SGCD: variants seen among roughly 807,000 people sequenced by gnomAD.
The protein encoded by SGCD is sarcoglycan delta, also known as delta-sarcoglycan.
SGCD carries 18 observed loss-of-function variants against 36.6 expected under a neutral mutation model. The observed-to-expected ratio is 0.49, with a 90% CI of 0.34 to 0.73. The LOEUF is 0.73. Ranked by LOEUF, SGCD falls within the 30% of genes least tolerant of loss-of-function variation. The pLI is 0.01. For synonymous variants in SGCD, 133 were observed against 130.6 expected, an observed-to-expected ratio of 1.02 and a Z score of -0.12; for missense variants, 387 against 346.7, an observed-to-expected ratio of 1.12 and a Z score of -0.92.
intron 1 of SGCD, among the ~76,000 whole-genome samples, chr5:155,936,134 G>A (rs893615549): frequency 6.6e-6 from 1 of 152,172 alleles, no homozygotes; most frequent in South Asian, 2.1e-4. Context: ...TGGGCTCCCC[G>A]AAGGACTGCA....
chr5:156,141,459 T>C (rs78223757), intron 3 of SGCD, among the ~76,000 whole-genome samples: 2,532 of 152,356 alleles, frequency 0.017, 40 homozygotes, highest in East Asian at 0.06. Context: ...AAGCCTGGGC[T>C]CAGGGCCTTG....
intron 1 of SGCD, among the ~76,000 whole-genome samples, chr5:155,907,052 G>A (rs1756531431): frequency 6.6e-6 from 1 of 152,108 alleles, no homozygotes; most frequent in Non-Finnish European, 1.5e-5. Context: ...GTTGAAGTCA[G>A]TGCTCATTTG....
At chr5:156,551,941 A>T (rs1758814986) in intron 4 of SGCD, among the ~76,000 whole-genome samples, 1 of 152,204 alleles carries the variant, frequency 6.6e-6, no homozygotes, top group African/African-American at 2.4e-5. Context: ...AACCGACCTG[A>T]AAAAATGGGG....
chr5:156,294,630 C>A (rs929307719), intron 3 of SGCD, among the ~76,000 whole-genome samples: 4 of 151,912 alleles, frequency 2.6e-5, no homozygotes, highest in African/African-American at 9.7e-5. Context: ...TTTCATATGT[C>A]TTTTATGATA....
At chr5:156,730,687 G>A (rs1257385173) in intron 7 of SGCD, among the ~76,000 whole-genome samples, 1 of 152,106 alleles carries the variant, frequency 6.6e-6, no homozygotes, top group Non-Finnish European at 1.5e-5. Flanking sequence ...ATGAACATAT[G>A]CATCCATGTG....
intron 7 of SGCD, among the ~76,000 whole-genome samples, chr5:156,684,755 T>C (rs560914956): frequency 1.2e-4 from 18 of 152,338 alleles, no homozygotes; most frequent in African/African-American, 4.3e-4. Context: ...ACTGAATGAA[T>C]AACACCATTC....
intron 6 of SGCD, among the ~76,000 whole-genome samples, chr5:156,632,701 C>G (rs966799047): frequency 2.2e-4 from 33 of 152,152 alleles, no homozygotes; most frequent in African/African-American, 7.5e-4. Context: ...CCTGCAAAGT[C>G]TCTACCAGGT....
intron 7 of SGCD, among the ~76,000 whole-genome samples, chr5:156,675,221 A>C (rs1251181001): frequency 6.6e-6 from 1 of 152,176 alleles, no homozygotes; most frequent in African/African-American, 2.4e-5. Flanking sequence ...CCAACCTCAG[A>C]ACAAATTTTT....
chr5:155,729,284 A>G, the SGCD span, among the ~76,000 whole-genome samples: 1 of 152,204 alleles, frequency 6.6e-6, no homozygotes, highest in Admixed American at 6.5e-5. Flanking sequence ...GCGTTAAGCT[A>G]GCTCCCAGCA....
intron 1 of SGCD, among the ~76,000 whole-genome samples, chr5:155,893,945 G>A (rs547260801): frequency 1.3e-5 from 2 of 152,176 alleles, no homozygotes; most frequent in Non-Finnish European, 2.9e-5. Context: ...TAACACAATG[G>A]TATTTGTATA....
chr5:156,085,945 T>C lies in SGCD; in HGVS notation c.-281-31933T>C, dbSNP rs1367727846. 5.3e-5 allele frequency among the ~76,000 whole-genome samples: 8 copies of C among 152,372 alleles called. No individual in the cohort carries two copies. In the East Asian group the frequency reaches 1.5e-3, roughly 29 times the overall value. ...ATTAAATTATTTGTTTCCATTTGTT[T>C]CCCATGTTTGTCTCTTCTTGTTTTC... is the stretch of plus-strand genomic sequence containing the variant. On this transcript the variant is annotated intron_variant, in intron 1 of 9. Coordinates refer to the SGCD transcript ENST00000517913.
intron 1 of SGCD, among the ~76,000 whole-genome samples, chr5:156,039,724 A>G: frequency 6.6e-6 from 1 of 152,176 alleles, no homozygotes; most frequent in Non-Finnish European, 1.5e-5. Flanking sequence ...TATCCAATGA[A>G]GCTCCTTTTA....
At chr5:156,341,434 G>C (rs1191727478) in intron 2 of SGCD, among the ~76,000 whole-genome samples, 2 of 152,040 alleles carry the variant, frequency 1.3e-5, no homozygotes, top group Non-Finnish European at 2.9e-5. Flanking sequence ...TTTAGATGTT[G>C]TCCCAAATGC....
At chr5:156,506,987 T>C (rs916554985) in intron 3 of SGCD, among the ~76,000 whole-genome samples, 3 of 152,184 alleles carry the variant, frequency 2.0e-5, no homozygotes, top group Admixed American at 2.0e-4. Context: ...AAGACTACAT[T>C]GGCTGATAAC....
At chr5:156,351,819 G>A (rs984823623) in intron 3 of SGCD, among the ~76,000 whole-genome samples, 14 of 151,992 alleles carry the variant, frequency 9.2e-5, no homozygotes, top group African/African-American at 3.1e-4. Flanking sequence ...GTAGAGATTC[G>A]AACCCAAGCA....
rs190715732 is a variant in SGCD at position 156,630,176 on chromosome 5, A to C, written c.503-17288A>C. Among the ~76,000 whole-genome samples, 161 of 152,248 alleles carry C rather than the reference A, an allele frequency of 1.1e-3. 1 individual carries two copies. The highest frequency in any genetic ancestry group is 1.8e-3 in the Non-Finnish European group (124 of 68,020). On this transcript the variant is annotated intron_variant, in intron 6 of 8. Coordinates refer to ENST00000337851, the MANE Select transcript of SGCD (RefSeq NM_000337.6). ...CCACGCCTGGCCCTAAGACCTTTTC[A>C]TCATTTAGTATGTGAAGTCTGATAG... is the stretch of plus-strand genomic sequence containing the variant.
intron 7 of SGCD, among the ~76,000 whole-genome samples, chr5:156,748,849 G>A (rs1238606509): frequency 6.6e-6 from 1 of 152,132 alleles, no homozygotes; most frequent in Non-Finnish European, 1.5e-5. Flanking sequence ...CTGGAGTGCA[G>A]TGGTGTGATT....
chr5:156,384,860 T>A (rs1354351893), intron 3 of SGCD, among the ~76,000 whole-genome samples: 1 of 152,198 alleles, frequency 6.6e-6, no homozygotes, highest in Non-Finnish European at 1.5e-5. Flanking sequence ...AGAAGGAGCC[T>A]GGGGCTTGTT....
intron 8 of SGCD, chr5:156,758,094 TTC>T: frequency 1.3e-6 from 1 of 794,438 alleles, no homozygotes; most frequent in Non-Finnish European, 1.5e-6. Flanking sequence ...TGTCACATGT[TTC>T]TGTTTTCACT....
Sources: allele counts gnomAD v4.1 joint callset (sites outside exome capture counted in the v4.1 genomes callset), GRCh38; gene constraint gnomAD v4.1.1; transcripts MANE v1.5; gene names NCBI Gene and HGNC (gene_info 2026-07-23, HGNC 2026-07-21).